The following MORC1 variants were observed in gnomAD, a reference collection of about 807,000 sequenced individuals.
MORC1 encodes MORC family CW-type zinc finger 1, also known as MORC family CW-type zinc finger protein 1.
Under a neutral mutation model 134.9 loss-of-function variants are expected in MORC1, and 59 were observed. The ratio of observed to expected loss-of-function variants is 0.44; its 90% CI spans 0.35 to 0.54. The LOEUF (loss-of-function observed/expected upper bound fraction) is 0.54. MORC1 is among the 20% of genes least tolerant of loss of function. The pLI, the probability that MORC1 is intolerant of heterozygous loss-of-function variation, is 0.00. For synonymous variants in MORC1, 395 were observed against 391.7 expected (o/e 1.01, Z -0.10); for missense variants, 947 against 1,134.5 (o/e 0.83, Z 2.37).
intron 20 of MORC1, among the ~76,000 whole-genome samples, chr3:109,002,031 G>C (rs1161424901): frequency 6.6e-6 from 1 of 152,168 alleles, no homozygotes; most frequent in African/African-American, 2.4e-5. Context: ...AATAAAGACT[G>C]CCTCCAGGAA....
chr3:108,984,868 C>T (rs1947854834), intron 22 of MORC1, 86 bp from the exon 23 acceptor site: 7 of 945,672 alleles, frequency 7.4e-6, no homozygotes, highest in Non-Finnish European at 1.1e-5. Flanking sequence ...TCATTAACTA[C>T]CTCTGTATAA....
chr3:109,099,970 G>A (rs1448899829), intron 5 of MORC1, among the ~76,000 whole-genome samples: 5 of 152,138 alleles, frequency 3.3e-5, no homozygotes, highest in East Asian at 1.9e-4. Flanking sequence ...TGGGCCGGGC[G>A]TGGTGGCTCA....
chr3:109,049,549 A>G (rs778299243), intron 14 of MORC1, among the ~76,000 whole-genome samples: 2 of 152,258 alleles, frequency 1.3e-5, no homozygotes, highest in Non-Finnish European at 2.9e-5. Context: ...ATTCCAAAAA[A>G]AAGGTCATTA....
intron 16 of MORC1, among the ~76,000 whole-genome samples, chr3:109,028,683 T>C (rs1225067745): frequency 4.9e-4 from 74 of 152,198 alleles, no homozygotes; most frequent in Admixed American, 4.8e-3. Context: ...TTCTTACTTT[T>C]GTTTTTGTGG....
intron 8 of MORC1, among the ~76,000 whole-genome samples, chr3:109,072,176 T>C (rs931157054): frequency 1.3e-5 from 2 of 152,226 alleles, no homozygotes; most frequent in African/African-American, 2.4e-5. Context: ...AGATCCTTCA[T>C]GGTCTGACCC....
chr3:109,113,213 CAA>C (rs747670210), intron 2 of MORC1, among the ~76,000 whole-genome samples: 4 of 152,156 alleles, frequency 2.6e-5, no homozygotes, highest in African/African-American at 9.7e-5. Flanking sequence ...GGAAGCTAAT[CAA>C]AAGTGTTTAT....
chr3:109,045,709 A>G (rs1949680237), intron 14 of MORC1, among the ~76,000 whole-genome samples: 1 of 152,150 alleles, frequency 6.6e-6, no homozygotes, highest in African/African-American at 2.4e-5. Flanking sequence ...GCTCCTGGGT[A>G]TGGTGGCATG....
At chr3:108,969,645 T>G (rs1310418680) in intron 26 of MORC1, 24 bp downstream of exon 26, 3 of 1,597,578 alleles carry the variant, frequency 1.9e-6, no homozygotes, top group Middle Eastern at 1.7e-4. Context: ...AGAATATAAA[T>G]GGTGATACTG....
Position 109,090,547 on chromosome 3 carries a change from G to C in MORC1, c.689+2889C>G, listed in dbSNP as rs567032232. ...GGGTGGGAGAATCATTTGAACCCAG[G>C]AGGCAGAAGTTGCAGTGAGCCGAGA... On this transcript the variant is annotated intron_variant, in intron 8 of 27. Transcript: ENST00000232603. Among the ~76,000 whole-genome samples the C allele has an allele frequency of 8.7e-5, 13 of 148,606 alleles. No homozygotes were observed. The South Asian group carries it at 2.1e-3, about 25-fold the overall frequency.
intron 4 of MORC1, among the ~76,000 whole-genome samples, chr3:109,101,049 T>C (rs1950916286): frequency 6.6e-6 from 1 of 152,150 alleles, no homozygotes; most frequent in South Asian, 2.1e-4. Context: ...CATGTGGCCT[T>C]AGGTAGAGTT....
At chr3:109,026,460 C>T (rs113007594) in intron 17 of MORC1, among the ~76,000 whole-genome samples, 30 of 152,286 alleles carry the variant, frequency 2.0e-4, no homozygotes, top group African/African-American at 6.0e-4. Flanking sequence ...ATGAACACAA[C>T]ATCCAATTCT....
At chr3:108,977,419 T>C (rs1441574187) in intron 24 of MORC1, among the ~76,000 whole-genome samples, 15 of 152,212 alleles carry the variant, frequency 9.9e-5, no homozygotes, top group Non-Finnish European at 2.9e-5. Flanking sequence ...GGTCTTGCTA[T>C]GTTGCCCAGG....
intron 3 of MORC1, among the ~76,000 whole-genome samples, chr3:109,104,887 A>ACT (rs1441493478): frequency 6.6e-6 from 1 of 151,760 alleles, no homozygotes; most frequent in African/African-American, 2.4e-5. Context: ...ACACACACAC[A>ACT]CACACGTATG....
chr3:109,085,420 C>T (rs1950598359), intron 8 of MORC1, among the ~76,000 whole-genome samples: 1 of 151,934 alleles, frequency 6.6e-6, no homozygotes, highest in African/African-American at 2.4e-5. Flanking sequence ...TGGCAAAATA[C>T]CAAATAATCT....
At chr3:109,068,435 C>A (rs542154963) in intron 9 of MORC1, among the ~76,000 whole-genome samples, 1 of 152,362 alleles carries the variant, frequency 6.6e-6, no homozygotes, top group Non-Finnish European at 1.5e-5. Flanking sequence ...TTAGCTCCCA[C>A]ATATCAGTGA....
intron 11 of MORC1, 92 bp from the exon 12 acceptor site, chr3:109,059,962 G>A: frequency 2.9e-6 from 3 of 1,033,928 alleles, no homozygotes; most frequent in Admixed American, 4.5e-5. Context: ...TGTTTCAAGG[G>A]TAACAATAGC....
intron 21 of MORC1, among the ~76,000 whole-genome samples, chr3:108,990,898 T>TCTCTC (rs1559876202): frequency 1.4e-5 from 2 of 145,660 alleles, no homozygotes; most frequent in African/African-American, 5.1e-5. Context: ...GTTTCTCTCT[T>TCTCTC]TCTCTCTCTC....
chr3:108,987,938 C>T (rs2715696), intron 21 of MORC1, among the ~76,000 whole-genome samples: 63,708 of 151,450 alleles, frequency 0.42, 14,069 homozygotes, highest in Middle Eastern at 0.55. Flanking sequence ...CTCCTTGTTC[C>T]GAAGACCCCT....
Position 109,063,223 on chromosome 3 carries a change from A to G in MORC1, c.824T>C (p.Leu275Pro). 6.3e-7 allele frequency: 1 copy of G among 1,578,208 alleles called. No homozygotes were observed. Among genetic ancestry groups the G allele is most frequent in the Non-Finnish European group, 8.7e-7 (1 of 1,150,318 alleles). ...CYCLYRPRKYLYVTSSFKGAF... is the reference protein window; with the variant it reads ...CYCLYRPRKYPYVTSSFKGAF... ...TCCTTTAAAAGAAGATGTGACATAA[A>G]GATACTTTCTGGAAAGAAACAAAAA... Residue 275 changes from leucine (L) to proline (P), a missense_variant, in exon 10 of 28, where the codon CTT (leucine) becomes CCT (proline). Coordinates refer to ENST00000232603, the MANE Select transcript of MORC1 (RefSeq NM_014429.4).
Sources: allele counts gnomAD v4.1 joint callset (sites outside exome capture counted in the v4.1 genomes callset), GRCh38; gene constraint gnomAD v4.1.1; transcripts MANE v1.5; gene names NCBI Gene and HGNC (gene_info 2026-07-23, HGNC 2026-07-21).